SEL1L3: variants seen among roughly 807,000 people sequenced by gnomAD.
SEL1L3 encodes the protein SEL1L family member 3.
In SEL1L3, 76 loss-of-function variants were observed where a neutral mutation model predicts 142.8. That is an observed-to-expected ratio of 0.53 (90% confidence interval 0.44 to 0.64). The LOEUF (loss-of-function observed/expected upper bound fraction) is 0.64. Ranked by LOEUF, SEL1L3 falls within the 30% of genes least tolerant of loss-of-function variation. SEL1L3 has a pLI of 0.00. For missense variants in SEL1L3, 1,262 were observed against 1,381.7 expected (o/e 0.91, Z 1.37); for synonymous variants, 504 against 519.6 (o/e 0.97, Z 0.41).
At chr4:25,728,173 A>G in the SEL1L3 span, among the ~76,000 whole-genome samples, 1 of 152,150 alleles carries the variant, frequency 6.6e-6, no homozygotes, top group Non-Finnish European at 1.5e-5. Flanking sequence ...CTGAAGAATA[A>G]TCTGGGTTTC....
intron 11 of SEL1L3, among the ~76,000 whole-genome samples, chr4:25,799,901 TAG>T (rs905192256): frequency 1.3e-5 from 2 of 151,128 alleles, no homozygotes; most frequent in African/African-American, 4.9e-5. Flanking sequence ...CCAGAAAATG[TAG>T]AGAGAGAACA....
intron 17 of SEL1L3, among the ~76,000 whole-genome samples, chr4:25,769,669 T>C (rs1719011270): frequency 6.6e-6 from 1 of 152,140 alleles, no homozygotes. Context: ...TTCTCAAGTT[T>C]CTTTAGAGAC....
chr4:25,816,051 A>G (rs1011473510), intron 9 of SEL1L3, among the ~76,000 whole-genome samples: 3 of 148,162 alleles, frequency 2.0e-5, no homozygotes, highest in Non-Finnish European at 4.5e-5. Context: ...TATTGTATAT[A>G]TATGAAATAC....
rs112395660 is a variant in SEL1L3, at chr4:25,835,095, CAAG to C, written c.860+99_860+101del. Reference sequence around the variant, plus strand: ...TCAACATTTTTGCAAAACACCTTACCAAGAAGGTGTGTCTTCCTAAGGAATTCT... The same window carrying C: ...TCAACATTTTTGCAAAACACCTTACCAAGGTGTGTCTTCCTAAGGAATTCT... On this transcript the variant is annotated intron_variant, in intron 3 of 23. Coordinates refer to ENST00000399878, the MANE Select transcript of SEL1L3 (RefSeq NM_015187.5). 2,039 of 1,421,936 alleles carry C rather than the reference CAAG, an allele frequency of 1.4e-3. 29 individuals are homozygous for C. In the African/African-American group the frequency reaches 0.026, roughly 18 times the overall value. 88.1% of individuals were successfully genotyped at this position (1,421,936 alleles called of 1,614,324 possible).
At position 25,798,566 on chromosome 4, in the gene SEL1L3, A is replaced by T. The variant is rs1200623555; in HGVS notation, c.1956+3717T>A. ...AGGACGGCTGGGCGAGGTGGCTCACACCTGTAATCCCAGCACTTTGGGAGG... is the reference window on the plus strand; with the variant it reads ...AGGACGGCTGGGCGAGGTGGCTCACTCCTGTAATCCCAGCACTTTGGGAGG... On this transcript the variant is annotated intron_variant, in intron 11 of 23. Transcript: ENST00000399878. Among the ~76,000 whole-genome samples the T allele has an allele frequency of 2.0e-5, 3 of 152,126 alleles. 1 individual carries two copies. Among genetic ancestry groups the T allele is most frequent in the Admixed American group, 2.0e-4 (3 of 15,274 alleles).
At position 25,748,340 on chromosome 4, in the gene SEL1L3, A is replaced by T; in HGVS notation, c.*85T>A. 7.3e-7 allele frequency: 1 copy of T among 1,378,308 alleles called. No individual in the cohort carries two copies. The highest frequency in any genetic ancestry group is 9.8e-7 in the Non-Finnish European group (1 of 1,017,010). The allele number at this position is 1,378,308 out of a possible 1,614,324, so 85.4% of individuals were successfully genotyped here. On this transcript the variant is annotated 3_prime_UTR_variant, in exon 24 of 24. Coordinates refer to ENST00000399878, the MANE Select transcript of SEL1L3 (RefSeq NM_015187.5). ...AGTTGACAAGACATTTAAGGTGTTT[A>T]TCAGGATCATGCCCTGGCCCCAGCT...
At position 25,806,524 on chromosome 4, in the gene SEL1L3, T is replaced by C. The variant is rs563447927; in HGVS notation, c.1565-1772A>G. Among the ~76,000 whole-genome samples the C allele has an allele frequency of 4.5e-4, 69 of 152,168 alleles. 1 individual carries two copies. The highest frequency in any genetic ancestry group is 1.3e-3 in the African/African-American group (56 of 41,512). On this transcript the variant is annotated intron_variant, in intron 9 of 23. Coordinates refer to ENST00000399878, the MANE Select transcript of SEL1L3 (RefSeq NM_015187.5). Reference sequence around the variant, plus strand: ...AGATCAGAAGGACCCACAGATGAAATTGTGAATGCTGACACGTTGTCAATG... The same window carrying C: ...AGATCAGAAGGACCCACAGATGAAACTGTGAATGCTGACACGTTGTCAATG...
At position 25,757,456 on chromosome 4, in the gene SEL1L3, C is replaced by CAA. The variant is rs1560277078; in HGVS notation, c.3259+77_3259+78insTT. 140 of 527,036 alleles carry CAA rather than the reference C, an allele frequency of 2.7e-4. 1 individual carries two copies. Among genetic ancestry groups the CAA allele is most frequent in the Middle Eastern group, 5.4e-4 (1 of 1,852 alleles). The allele number at this position is 527,036 out of a possible 1,614,324, so 32.6% of individuals were successfully genotyped here. On this transcript the variant is annotated intron_variant, in intron 23 of 23. Coordinates refer to ENST00000399878, the MANE Select transcript of SEL1L3 (RefSeq NM_015187.5). The stretch of plus-strand genomic sequence containing the variant: ...GGGAAAACACAATTTTTCCAGTAGA[C>CAA]CAAAAAAAAAAAAAAAAAAAAAAAT...
chr4:25,830,154 T>C lies in SEL1L3; in HGVS notation c.1101A>G (p.Ile367Met). 1 of 1,600,730 alleles carries C rather than the reference T, an allele frequency of 6.2e-7. No homozygotes were observed. The change falls in exon 6 of 24, where the codon ATA (isoleucine) becomes ATG (methionine). Residue 367 changes from isoleucine to methionine, a missense_variant and splice_region_variant. Ile to Met is a conservative substitution (Grantham distance 10). Transcript: ENST00000399878. ...CCTGTCCAATGCTAGTGGTTACTAC[T>C]ATCTATGATGGGAGGGATACACAAG... is the stretch of plus-strand genomic sequence containing the variant. ...RLDISFNGGQIVVTTSIGQDL... is the reference protein window; with the variant it reads ...RLDISFNGGQMVVTTSIGQDL...
chr4:25,844,878 C>T (rs538295263), intron 2 of SEL1L3, among the ~76,000 whole-genome samples: 4 of 152,320 alleles, frequency 2.6e-5, no homozygotes, highest in African/African-American at 9.6e-5. Context: ...TGCTTTCAGA[C>T]ATTTAACTAC....
At chr4:25,854,847 G>T (rs1717132448) in intron 1 of SEL1L3, among the ~76,000 whole-genome samples, 1 of 152,230 alleles carries the variant, frequency 6.6e-6, no homozygotes, top group African/African-American at 2.4e-5. Context: ...AAATTTTAAG[G>T]ACTGAGATGG....
intron 23 of SEL1L3, among the ~76,000 whole-genome samples, chr4:25,751,541 G>A (rs1220458561): frequency 1.3e-5 from 2 of 151,864 alleles, no homozygotes; most frequent in Admixed American, 6.6e-5. Context: ...TTCCACCACC[G>A]TGGGAGGTAT....
At chr4:25,720,576 C>G in the SEL1L3 span, 3 of 152,070 alleles carry the variant, frequency 2.0e-5, no homozygotes, top group Non-Finnish European at 4.4e-5. Context: ...AGTGTCAATA[C>G]CAGGCAGCGG....
chr4:25,808,965 T>C (rs191345206), intron 9 of SEL1L3, among the ~76,000 whole-genome samples: 274 of 146,956 alleles, frequency 1.9e-3, no homozygotes, highest in East Asian at 0.012. Context: ...CCCATCTACT[T>C]GGGAGGGTGA....
In SEL1L3 at chr4:25,748,572, G is replaced by A. The variant is rs745835209; in HGVS notation, c.3260-8C>T. 1 of 1,607,230 alleles carries A rather than the reference G, an allele frequency of 6.2e-7. No homozygotes were observed. The highest frequency in any genetic ancestry group is 8.5e-7 in the Non-Finnish European group (1 of 1,177,192). ...TTGGAGGGGGATCGCTTGCTGCAGA[G>A]ACACATGCACAACAGGTGCTGAATA... On this transcript the variant is annotated splice_polypyrimidine_tract_variant and splice_region_variant and intron_variant, in intron 23 of 23. Transcript: ENST00000399878.
intron 2 of SEL1L3, among the ~76,000 whole-genome samples, chr4:25,844,437 C>CT (rs1382732554): frequency 6.6e-6 from 1 of 152,198 alleles, no homozygotes; most frequent in East Asian, 1.9e-4. Flanking sequence ...AGGGTTTTCT[C>CT]TGCGTTATGG....
intron 17 of SEL1L3, 86 bp downstream of exon 17, chr4:25,776,191 C>T: frequency 1.3e-6 from 1 of 793,378 alleles, no homozygotes; most frequent in Non-Finnish European, 2.1e-6. Context: ...AAATTGCTTT[C>T]TCAGTTGCAT....
intron 1 of SEL1L3, among the ~76,000 whole-genome samples, chr4:25,853,409 G>GTA (rs1717030249): frequency 6.6e-6 from 1 of 152,008 alleles, no homozygotes; most frequent in Non-Finnish European, 1.5e-5. Flanking sequence ...TTACCCCAAG[G>GTA]TATATAGGTG....
In SEL1L3 at chr4:25,855,445, A is replaced by G. The variant is rs549549473; in HGVS notation, c.162+7230T>C. Among the ~76,000 whole-genome samples, 5 of 152,328 alleles carry G rather than the reference A, an allele frequency of 3.3e-5. No individual in the cohort carries two copies. In the East Asian group the frequency reaches 9.6e-4, roughly 29 times the overall value. The stretch of plus-strand genomic sequence containing the variant: ...GTCTGACACACAGTAAGAATTTAGT[A>G]AGTGTTTCTTGCTGAAATAAAGCAC... On this transcript the variant is annotated intron_variant, in intron 1 of 23. Transcript: ENST00000399878.
Sources: gnomAD v4.1 joint callset for allele counts (sites outside exome capture counted in the v4.1 genomes callset) on GRCh38, gnomAD v4.1.1 for gene constraint, MANE v1.5 for transcripts, NCBI Gene and HGNC (gene_info 2026-07-23, HGNC 2026-07-21) for gene names.